The following LMF1 variants were observed in gnomAD, a reference collection of about 807,000 sequenced individuals.
LMF1 encodes transmembrane protein 112.
LMF1 carries 68 observed loss-of-function variants against 60.6 expected under a neutral mutation model. That is an observed-to-expected ratio of 1.12 (90% CI 0.92 to 1.37). LMF1 has a LOEUF of 1.37. LMF1 is among the 40% of genes most tolerant of loss of function. LMF1 has a pLI of 0.00. For synonymous variants in LMF1, 418 were observed against 324.7 expected (o/e 1.29, Z -3.09); for missense variants, 948 against 767.2 (o/e 1.24, Z -2.78).
rs768877861 is a variant in LMF1 at position 869,943 on chromosome 16, G to C, written c.1356C>G (p.Pro452=). ...KCKPGDPSRR[P]CLISPYHYRL... ...GGTAGTGGTACGGGGAGATGAGGCA[G>C]GGCCGTCTGCTGGGGTCACCTGGCT... Residue 452 remains proline (P), a synonymous_variant, in exon 9 of 11, where the codon CCC becomes CCG. Coordinates refer to ENST00000262301, the MANE Select transcript of LMF1 (RefSeq NM_022773.4). 6 of 1,613,220 alleles carry C rather than the reference G, an allele frequency of 3.7e-6. No individual in the cohort carries two copies. Among genetic ancestry groups the C allele is most frequent in the African/African-American group, 1.3e-5 (1 of 74,948 alleles).
At chr16:953,221 CAA>C (rs2072540294) in intron 2 of LMF1, among the ~76,000 whole-genome samples, 1 of 109,784 alleles carries the variant, frequency 9.1e-6, no homozygotes, top group Admixed American at 8.4e-5. Context: ...ACACCCACCC[CAA>C]ACCAGCCTCC....
chr16:948,181 CAG>C (rs1449970942), intron 2 of LMF1, among the ~76,000 whole-genome samples: 3 of 149,808 alleles, frequency 2.0e-5, no homozygotes, highest in Admixed American at 6.6e-5. Flanking sequence ...CAGCCAACGA[CAG>C]AGTCAGAGAC....
intron 2 of LMF1, among the ~76,000 whole-genome samples, chr16:952,074 G>A (rs1417747253): frequency 6.6e-6 from 1 of 152,226 alleles, no homozygotes; most frequent in Non-Finnish European, 1.5e-5. Context: ...ATGTGTGCGT[G>A]GAGGGGTCCT....
At chr16:972,974 C>T (rs988582080), upstream of LMF1, among the ~76,000 whole-genome samples, 16 of 152,172 alleles carry the variant, frequency 1.1e-4, no homozygotes, top group African/African-American at 2.7e-4. Context: ...GGGCTTGGGC[C>T]GGGGAGAGGT....
At chr16:979,926 A>AC (rs1383747684) in intron 1 of LMF1, 3 of 362,208 alleles carry the variant, frequency 8.3e-6, no homozygotes, top group Non-Finnish European at 1.7e-5. Flanking sequence ...GGATGCGGGG[A>AC]CCCCGAGCGG....
intron 2 of LMF1, among the ~76,000 whole-genome samples, chr16:937,617 G>T (rs951797775): frequency 6.6e-6 from 1 of 152,236 alleles, no homozygotes; most frequent in African/African-American, 2.4e-5. Flanking sequence ...GCTGCACACG[G>T]CCCCAGCACA....
intron 3 of LMF1, chr16:933,923 T>G: frequency 3.1e-5 from 41 of 1,334,068 alleles, no homozygotes; most frequent in Non-Finnish European, 3.8e-5. Flanking sequence ...CACACAGCCT[T>G]GAGCGTCCAC....
chr16:971,032 CCA>C, upstream of LMF1: 3 of 1,368,662 alleles, frequency 2.2e-6, no homozygotes, highest in Non-Finnish European at 2.8e-6. Context: ...GAGGCCCCGC[CCA>C]TTCTCGGAGG....
chr16:971,151 C>A (rs1371505193), upstream of LMF1, among the ~76,000 whole-genome samples: 2 of 152,192 alleles, frequency 1.3e-5, no homozygotes, highest in African/African-American at 4.8e-5. Flanking sequence ...CCGGCCCCGC[C>A]CACGCGCGGG....
chr16:887,314 G>C (rs2070338229), intron 5 of LMF1, among the ~76,000 whole-genome samples: 1 of 152,230 alleles, frequency 6.6e-6, no homozygotes, highest in Non-Finnish European at 1.5e-5. Flanking sequence ...GAGCCTTGCG[G>C]GGGCAGGCTG....
chr16:925,404 C>T (rs557484802), intron 3 of LMF1, among the ~76,000 whole-genome samples: 9 of 152,220 alleles, frequency 5.9e-5, no homozygotes, highest in East Asian at 1.9e-4. Flanking sequence ...TGTTAATGAT[C>T]GTGTGAATGA....
intron 1 of LMF1, among the ~76,000 whole-genome samples, chr16:965,166 C>T (rs1041428647): frequency 6.6e-6 from 1 of 152,254 alleles, no homozygotes; most frequent in African/African-American, 2.4e-5. Context: ...CACAGCCAAG[C>T]GGTGGGTTCT....
At chr16:923,827 C>A (rs72759463) in intron 3 of LMF1, among the ~76,000 whole-genome samples, 1 of 152,072 alleles carries the variant, frequency 6.6e-6, no homozygotes, top group African/African-American at 2.4e-5. Flanking sequence ...AGGTCCTGAG[C>A]GGAAATCTTC....
At chr16:924,227 G>T (rs191539914) in intron 3 of LMF1, among the ~76,000 whole-genome samples, 166 of 152,252 alleles carry the variant, frequency 1.1e-3, no homozygotes, top group Non-Finnish European at 2.0e-3. Context: ...GTCTAACCGT[G>T]GTATGCGAAG....
At chr16:976,969 C>T (rs775747642) in intron 1 of LMF1, 16 of 453,652 alleles carry the variant, frequency 3.5e-5, no homozygotes, top group South Asian at 2.5e-4. Flanking sequence ...GAGGGCTGGG[C>T]TGGAAATGCT....
At chr16:879,370 G>A (rs2070091749) in intron 6 of LMF1, among the ~76,000 whole-genome samples, 200 bp downstream of exon 6, 1 of 152,178 alleles carries the variant, frequency 6.6e-6, no homozygotes, top group African/African-American at 2.4e-5. Context: ...GGAAGCCTGG[G>A]AAGGAGACCC....
At chr16:945,461 G>C (rs1597046976) in intron 2 of LMF1, among the ~76,000 whole-genome samples, 1 of 152,028 alleles carries the variant, frequency 6.6e-6, no homozygotes, top group Non-Finnish European at 1.5e-5. Flanking sequence ...AGGAGGTTGA[G>C]GCTGCAGTGG....
intron 2 of LMF1, among the ~76,000 whole-genome samples, chr16:944,918 T>TAAA (rs35660928): frequency 6.6e-6 from 1 of 151,172 alleles, no homozygotes; most frequent in Non-Finnish European, 1.5e-5. Context: ...CTTGTTAGGT[T>TAAA]AAAAAAAATA....
chr16:929,633 G>C (rs148900907), intron 3 of LMF1, among the ~76,000 whole-genome samples: 1 of 152,382 alleles, frequency 6.6e-6, no homozygotes, highest in South Asian at 2.1e-4. Flanking sequence ...GCAGGAAGCG[G>C]CCACATTCGG....
Sources: gnomAD v4.1 joint callset for allele counts (sites outside exome capture counted in the v4.1 genomes callset) on GRCh38, gnomAD v4.1.1 for gene constraint, MANE v1.5 for transcripts, NCBI Gene and HGNC (gene_info 2026-07-23, HGNC 2026-07-21) for gene names.